Variants in TMEM132E observed in about 807,000 individuals in gnomAD.
TMEM132E encodes the protein transmembrane protein 132E.
In TMEM132E, 49 loss-of-function variants were observed where a neutral mutation model predicts 78.5. The ratio of observed to expected loss-of-function variants is 0.62; its 90% CI spans 0.50 to 0.79. The LOEUF (loss-of-function observed/expected upper bound fraction) is 0.79. Ranked by LOEUF, TMEM132E falls within the 30% of genes least tolerant of loss-of-function variation. The pLI is 0.00. For synonymous variants in TMEM132E, 715 were observed against 670.6 expected (o/e 1.07, Z -1.02); for missense variants, 1,403 against 1,470.9 (o/e 0.95, Z 0.75).
intron 1 of TMEM132E, among the ~76,000 whole-genome samples, chr17:34,624,606 C>T (rs1250978802): frequency 6.6e-6 from 1 of 152,078 alleles, no homozygotes; most frequent in Non-Finnish European, 1.5e-5. Context: ...GCAGCATGAA[C>T]AAAGGAGGGG....
Position 34,591,410 on chromosome 17 carries a change from T to A in TMEM132E, c.67+10267T>A, listed in dbSNP as rs528843499. ...GACTCAACTTCCTGGGCTCAAACAA[T>A]CCTCCCACCTCCACATCCCCAAGTA... is the stretch of plus-strand genomic sequence containing the variant. On this transcript the variant is annotated intron_variant, in intron 1 of 8. Transcript: ENST00000631683. Among the ~76,000 whole-genome samples, 22 of 151,568 alleles carry A rather than the reference T, an allele frequency of 1.5e-4. No individual in the cohort carries two copies. The East Asian group carries it at 4.1e-3, about 28-fold the overall frequency.
intron 1 of TMEM132E, among the ~76,000 whole-genome samples, chr17:34,601,992 C>T (rs372695594): frequency 8.5e-5 from 13 of 152,366 alleles, no homozygotes; most frequent in African/African-American, 3.1e-4. Context: ...CAGTCTAGTG[C>T]TCCTCTCCAG....
At position 34,581,129 on chromosome 17, in the gene TMEM132E, C is replaced by A. The variant is rs763274959; in HGVS notation, c.53C>A (p.Ala18Glu). The A allele has an allele frequency of 1.3e-6, 2 of 1,523,964 alleles. No individual in the cohort carries two copies. Among genetic ancestry groups the A allele is most frequent in the South Asian group, 1.2e-5 (1 of 81,692 alleles). The allele number at this position is 1,523,964 out of a possible 1,614,324, so 94.4% of individuals were successfully genotyped here. The change falls in exon 1 of 9, where the codon GCG becomes GAG. Residue 18 changes from alanine (A) to glutamate (E), a missense_variant. Transcript: ENST00000631683. ...RGGAALLCLS[A>E]LLAHASGRSH... Reference sequence around the variant, plus strand: ...GGCGCCGCCCTGCTCTGCCTCTCAGCGCTACTCGCCCACGGTAAGTGTCGC... The same window carrying A: ...GGCGCCGCCCTGCTCTGCCTCTCAGAGCTACTCGCCCACGGTAAGTGTCGC...
chr17:34,637,249 G>A lies in TMEM132E; in HGVS notation c.2242G>A (p.Asp748Asn), dbSNP rs79922134. The change falls in exon 9 of 9, where the codon GAC becomes AAC. Residue 748 changes from aspartate (D) to asparagine (N), a missense_variant. Transcript: ENST00000631683. Reference sequence around the variant, plus strand: ...CCCACTCTCCCTCTACAGCCCACGAGACTATGGACTGCTAGTGAGCAGCCT... The same window carrying A: ...CCCACTCTCCCTCTACAGCCCACGAAACTATGGACTGCTAGTGAGCAGCCT... ...TAPLSLYSPR[D>N]YGLLVSSLDE... 5 of 1,614,042 alleles carry A rather than the reference G, an allele frequency of 3.1e-6. No homozygotes were observed. In the African/African-American group the frequency reaches 5.3e-5, roughly 17 times the overall value.
chr17:34,600,426 AGT>A (rs3220449), intron 1 of TMEM132E, among the ~76,000 whole-genome samples: 4,725 of 144,000 alleles, frequency 0.033, 110 homozygotes, highest in African/African-American at 0.04. Context: ...AGCGTATATG[AGT>A]GTGTGTGTGT....
chr17:34,626,494 G>C lies in TMEM132E; in HGVS notation c.435G>C (p.Leu145=), dbSNP rs142221906. The part of the protein sequence containing the change: ...VPASQPVVQV[L]FYVAGRDWDD... ...CCTCGCAGCCCGTGGTCCAGGTGCT[G>C]TTCTACGTAGCCGGCCGGGACTGGG... is the stretch of plus-strand genomic sequence containing the variant. The change falls in exon 2 of 9, where the codon CTG becomes CTC. Residue 145 remains leucine (L), a synonymous_variant. Coordinates refer to ENST00000631683, the MANE Select transcript of TMEM132E (RefSeq NM_001304438.2). The C allele has an allele frequency of 7.4e-5, 120 of 1,611,376 alleles. No homozygotes were observed. Among genetic ancestry groups the C allele is most frequent in the Non-Finnish European group, 9.2e-5 (109 of 1,179,660 alleles).
Position 34,637,221 on chromosome 17 carries a change from A to C in TMEM132E, c.2214A>C (p.Thr738=). 1 of 1,611,896 alleles carries C rather than the reference A, an allele frequency of 6.2e-7. No homozygotes were observed. Among genetic ancestry groups the C allele is most frequent in the East Asian group, 2.2e-5 (1 of 44,832 alleles). The stretch of plus-strand genomic sequence containing the variant: ...GGCTCTCCTACAGTGATGGCACCAC[A>C]GCCCCACTCTCCCTCTACAGCCCAC... ...SLWLSYSDGT[T]APLSLYSPRD... Residue 738 remains threonine, a synonymous_variant, in exon 9 of 9, where the codon ACA becomes ACC. Transcript: ENST00000631683.
In TMEM132E at chr17:34,637,281, G is replaced by T; in HGVS notation, c.2274G>T (p.Glu758Asp). Residue 758 changes from glutamate to aspartate, a missense_variant, in exon 9 of 9, where the codon GAG becomes GAT. Glu to Asp is a conservative substitution (Grantham distance 45). This residue lies in a region of TMEM132E where 888 missense variants were observed against 952.8 expected (regional missense o/e 0.93). Coordinates refer to ENST00000631683, the MANE Select transcript of TMEM132E (RefSeq NM_001304438.2). ...DYGLLVSSLD[E>D]HVATVTQDRA... ...GACTGCTAGTGAGCAGCCTGGATGA[G>T]CATGTGGCCACTGTGACCCAGGACC... is the stretch of plus-strand genomic sequence containing the variant. 6.2e-7 allele frequency: 1 copy of T among 1,614,146 alleles called. No homozygotes were observed. Among genetic ancestry groups the T allele is most frequent in the Non-Finnish European group, 8.5e-7 (1 of 1,180,044 alleles).
chr17:34,599,750 C>T (rs1360372727), intron 1 of TMEM132E, among the ~76,000 whole-genome samples: 1 of 152,180 alleles, frequency 6.6e-6, no homozygotes, highest in African/African-American at 2.4e-5. Flanking sequence ...GCCAGGGATC[C>T]CAGGTGCTTC....
At chr17:34,581,240 A>G (rs1252026086) in intron 1 of TMEM132E, 97 bp downstream of exon 1, 1 of 1,122,418 alleles carries the variant, frequency 8.9e-7, no homozygotes, top group East Asian at 3.2e-5. Flanking sequence ...CACCCCCTGG[A>G]CTCGCAGCCG....
chr17:34,610,602 A>T (rs1041503979), intron 1 of TMEM132E, among the ~76,000 whole-genome samples: 2 of 152,238 alleles, frequency 1.3e-5, no homozygotes, highest in African/African-American at 4.8e-5. Flanking sequence ...TGGTGGGCTG[A>T]GGGAGGTCCC....
At chr17:34,585,413 T>A (rs1454943165) in intron 1 of TMEM132E, among the ~76,000 whole-genome samples, 2 of 152,084 alleles carry the variant, frequency 1.3e-5, no homozygotes. Flanking sequence ...ACCACTGGGG[T>A]CTGGCCCACC....
At chr17:34,609,452 C>T (rs1267373233) in intron 1 of TMEM132E, among the ~76,000 whole-genome samples, 5 of 152,146 alleles carry the variant, frequency 3.3e-5, no homozygotes, top group African/African-American at 1.2e-4. Context: ...GAGCTCTTTC[C>T]TCCCCAGGAC....
rs1907173239 is a variant in TMEM132E, at chr17:34,627,058, G to C, written c.998+1G>C. 1.3e-6 allele frequency: 2 copies of C among 1,517,100 alleles called. No homozygotes were observed. The highest frequency in any genetic ancestry group is 1.4e-5 in the African/African-American group (1 of 71,728). The allele number at this position is 1,517,100 out of a possible 1,614,324, so 94.0% of individuals were successfully genotyped here. On this transcript the variant is annotated splice_donor_variant, in intron 2 of 8. Coordinates refer to ENST00000631683, the MANE Select transcript of TMEM132E (RefSeq NM_001304438.2). LOFTEE classifies it high-confidence loss of function. ...CCAGCGTGGAGCACTTCACACTCAG[G>C]TAGTAGGGAAGATGGGTGGGGATCT...
At chr17:34,615,166 G>A (rs1210047594) in intron 1 of TMEM132E, among the ~76,000 whole-genome samples, 1 of 31,136 alleles carries the variant, frequency 3.2e-5, no homozygotes, top group East Asian at 1.9e-3. Flanking sequence ...AGGACTAGGA[G>A]GCCAGTTCAG....
intron 1 of TMEM132E, among the ~76,000 whole-genome samples, chr17:34,597,720 A>C (rs12451894): frequency 6.6e-6 from 1 of 151,976 alleles, no homozygotes; most frequent in Admixed American, 6.5e-5. Flanking sequence ...GCAGAGGCCA[A>C]AGGTAGGAGG....
intron 1 of TMEM132E, among the ~76,000 whole-genome samples, chr17:34,617,734 C>A (rs1175683859): frequency 6.6e-6 from 1 of 152,178 alleles, no homozygotes; most frequent in Non-Finnish European, 1.5e-5. Flanking sequence ...ACTCCAAAGC[C>A]AAACGGGCTC....
intron 5 of TMEM132E, 92 bp from the exon 6 acceptor site, chr17:34,632,612 C>T (rs1907383696): frequency 1.4e-6 from 2 of 1,398,486 alleles, no homozygotes; most frequent in Non-Finnish European, 2.0e-6. Context: ...AGGACTTTCC[C>T]TCCAGCCCTG....
Position 34,628,956 on chromosome 17 carries a change from C to T in TMEM132E, c.1146-56C>T, listed in dbSNP as rs968382480. 6.7e-6 allele frequency: 10 copies of T among 1,503,220 alleles called. No homozygotes were observed. In the East Asian group the frequency reaches 2.3e-4, roughly 35 times the overall value. The allele number at this position is 1,503,220 out of a possible 1,614,324, so 93.1% of individuals were successfully genotyped here. ...GTCCCCACTGAGAGTTTCTGAGCTC[C>T]TGGGCTGCTCCCAGCCCTTCATCCT... On this transcript the variant is annotated intron_variant, in intron 3 of 8. Transcript: ENST00000631683.
Sources: allele counts gnomAD v4.1 joint callset (sites outside exome capture counted in the v4.1 genomes callset), GRCh38; gene constraint gnomAD v4.1.1; regional missense constraint gnomAD v4.1.1; transcripts MANE v1.5; gene names NCBI Gene and HGNC (gene_info 2026-07-23, HGNC 2026-07-21).